The following THSD7B variants were observed in gnomAD, a reference collection of about 807,000 sequenced individuals.
The protein encoded by THSD7B is thrombospondin type-1 domain-containing protein 7B.
THSD7B carries 138 observed loss-of-function variants against 213.6 expected under a neutral mutation model. That is an observed-to-expected ratio of 0.65 (90% CI 0.56 to 0.74). The LOEUF (loss-of-function observed/expected upper bound fraction) is 0.74. THSD7B is among the 30% of genes least tolerant of loss of function. THSD7B has a pLI of 0.00. For synonymous variants in THSD7B, 742 were observed against 687.0 expected (o/e 1.08, Z -1.25); for missense variants, 1,931 against 1,991.5 (o/e 0.97, Z 0.58).
At chr2:136,866,538 T>G in intron 1 of THSD7B, among the ~76,000 whole-genome samples, 1 of 152,226 alleles carries the variant, frequency 6.6e-6, no homozygotes, top group East Asian at 1.9e-4. Context: ...TGGGGGTTAT[T>G]TGAAGAAACT....
intron 7 of THSD7B, among the ~76,000 whole-genome samples, chr2:137,202,376 A>G (rs1192534343): frequency 6.6e-6 from 1 of 152,116 alleles, no homozygotes; most frequent in Non-Finnish European, 1.5e-5. Flanking sequence ...ATGTCATCCC[A>G]AGTGTCCTCA....
At chr2:137,627,251 T>A (rs1682649097) in intron 20 of THSD7B, among the ~76,000 whole-genome samples, 1 of 152,200 alleles carries the variant, frequency 6.6e-6, no homozygotes, top group African/African-American at 2.4e-5. Flanking sequence ...CGAGGAATCC[T>A]CACCTATGAC....
chr2:137,083,827 C>A (rs1376666310), intron 3 of THSD7B, among the ~76,000 whole-genome samples: 2 of 152,026 alleles, frequency 1.3e-5, no homozygotes, highest in African/African-American at 4.8e-5. Context: ...CAAGCTGCTG[C>A]CATATGGATA....
chr2:136,876,120 C>G (rs1683523453), intron 1 of THSD7B, among the ~76,000 whole-genome samples: 1 of 152,108 alleles, frequency 6.6e-6, no homozygotes, highest in Non-Finnish European at 1.5e-5. Context: ...AAAAAGTAGC[C>G]TCTGTGTAGA....
At chr2:137,062,167 T>C (rs900486010) in intron 3 of THSD7B, among the ~76,000 whole-genome samples, 3 of 151,730 alleles carry the variant, frequency 2.0e-5, no homozygotes, top group South Asian at 2.1e-4. Context: ...TTTTAATAGC[T>C]ATGGGATTAT....
At chr2:136,822,894 T>C (rs1682588490) in intron 1 of THSD7B, among the ~76,000 whole-genome samples, 1 of 152,204 alleles carries the variant, frequency 6.6e-6, no homozygotes, top group South Asian at 2.1e-4. Flanking sequence ...GATTTAGCCC[T>C]ATACATTAAT....
chr2:137,045,087 G>A (rs1203973526), intron 2 of THSD7B, among the ~76,000 whole-genome samples: 1 of 152,164 alleles, frequency 6.6e-6, no homozygotes, highest in Non-Finnish European at 1.5e-5. Flanking sequence ...AGGTGCAACA[G>A]CAAAACTAGG....
chr2:137,630,427 A>C (rs1016938639), intron 20 of THSD7B, among the ~76,000 whole-genome samples: 6 of 152,142 alleles, frequency 3.9e-5, no homozygotes, highest in African/African-American at 1.4e-4. Context: ...ATTCCCCACC[A>C]TCCCCAAACT....
At chr2:137,009,086 A>G (rs951546836) in intron 2 of THSD7B, among the ~76,000 whole-genome samples, 13 of 152,214 alleles carry the variant, frequency 8.5e-5, no homozygotes, top group African/African-American at 3.1e-4. Flanking sequence ...TCTGGCAGCA[A>G]TGCTTAAAAC....
intron 2 of THSD7B, among the ~76,000 whole-genome samples, chr2:136,889,628 C>T (rs1293030319): frequency 6.6e-6 from 1 of 152,118 alleles, no homozygotes; most frequent in Non-Finnish European, 1.5e-5. Flanking sequence ...TATTGTTTTG[C>T]TTGGTTTTCT....
intron 15 of THSD7B, among the ~76,000 whole-genome samples, chr2:137,478,236 G>A (rs570176688): frequency 5.2e-4 from 79 of 152,192 alleles, no homozygotes; most frequent in African/African-American, 1.8e-3. Context: ...ACTCTGTGGT[G>A]TCCCATATAT....
intron 21 of THSD7B, among the ~76,000 whole-genome samples, chr2:137,650,647 C>T (rs1340164898): frequency 6.6e-6 from 1 of 152,158 alleles, no homozygotes; most frequent in Non-Finnish European, 1.5e-5. Flanking sequence ...AGTAGGCATC[C>T]TTGTCTTGTT....
chr2:137,417,534 G>A (rs1446445795), intron 14 of THSD7B, among the ~76,000 whole-genome samples: 4 of 152,102 alleles, frequency 2.6e-5, no homozygotes, highest in Non-Finnish European at 4.4e-5. Flanking sequence ...CAGAGTCCTG[G>A]GCTCAAGTGA....
chr2:137,269,689 T>G (rs1682689331), intron 10 of THSD7B, among the ~76,000 whole-genome samples: 1 of 152,164 alleles, frequency 6.6e-6, no homozygotes, highest in African/African-American at 2.4e-5. Flanking sequence ...GACTTTTTCC[T>G]AAAGGCATAA....
At chr2:137,349,085 A>C (rs184416916) in intron 12 of THSD7B, among the ~76,000 whole-genome samples, 35 of 151,800 alleles carry the variant, frequency 2.3e-4, no homozygotes, top group African/African-American at 8.2e-4. Flanking sequence ...AAAGTTAGAT[A>C]AAGTTAGTGA....
At chr2:137,424,332 T>G (rs1244257139) in intron 14 of THSD7B, among the ~76,000 whole-genome samples, 1 of 152,096 alleles carries the variant, frequency 6.6e-6, no homozygotes, top group Non-Finnish European at 1.5e-5. Context: ...ATTAAAAATG[T>G]AAGTGCTGTA....
intron 2 of THSD7B, among the ~76,000 whole-genome samples, chr2:136,889,685 A>T (rs1456153573): frequency 6.6e-6 from 1 of 152,158 alleles, no homozygotes; most frequent in Non-Finnish European, 1.5e-5. Flanking sequence ...GATATGTCAC[A>T]TGCCCATCAT....
At chr2:137,311,997 G>C (rs1476046142) in intron 12 of THSD7B, among the ~76,000 whole-genome samples, 3 of 147,816 alleles carry the variant, frequency 2.0e-5, no homozygotes, top group East Asian at 2.0e-4. Context: ...CCCGGCTTTG[G>C]TATCAGGATG....
intron 12 of THSD7B, among the ~76,000 whole-genome samples, chr2:137,398,980 C>T (rs1232012584): frequency 2.0e-5 from 3 of 152,180 alleles, no homozygotes; most frequent in African/African-American, 7.2e-5. Flanking sequence ...CTCCCTGACC[C>T]CTTGTGCTTC....
Sources: gnomAD v4.1 joint callset for allele counts (sites outside exome capture counted in the v4.1 genomes callset) on GRCh38, gnomAD v4.1.1 for gene constraint, MANE v1.5 for transcripts, NCBI Gene and HGNC (gene_info 2026-07-23, HGNC 2026-07-21) for gene names.